The following MDGA2 variants were observed in gnomAD, a reference collection of about 807,000 sequenced individuals.
MDGA2 encodes MAM domain-containing glycosylphosphatidylinositol anchor protein 2.
Under a neutral mutation model 117.8 loss-of-function variants are expected in MDGA2, and 40 were observed. The observed-to-expected ratio is 0.34, with a 90% CI of 0.26 to 0.44. The LOEUF (loss-of-function observed/expected upper bound fraction) is 0.44. Among genes scored for constraint, MDGA2 ranks in the 20% least tolerant of loss-of-function variants. The pLI, the probability that MDGA2 is intolerant of heterozygous loss-of-function variation, is 1.00. For synonymous variants in MDGA2, 452 were observed against 439.0 expected (o/e 1.03, Z -0.37); for missense variants, 1,123 against 1,250.6 (o/e 0.90, Z 1.54).
At chr14:47,006,485 TAAAG>T (rs1204561581) in intron 8 of MDGA2, among the ~76,000 whole-genome samples, 1 of 149,146 alleles carries the variant, frequency 6.7e-6, no homozygotes, top group Non-Finnish European at 1.5e-5. Context: ...ATTAATAACA[TAAAG>T]AGTGAACAGA....
At chr14:47,017,598 A>C (rs67725556) in intron 8 of MDGA2, among the ~76,000 whole-genome samples, 76,649 of 151,588 alleles carry the variant, frequency 0.51, 20,015 homozygotes, top group East Asian at 0.8. Context: ...CAGGGGGAAA[A>C]AATACAAGAA....
At chr14:47,175,327 C>G (rs113178422) in intron 3 of MDGA2, among the ~76,000 whole-genome samples, 4 of 151,636 alleles carry the variant, frequency 2.6e-5, no homozygotes, top group African/African-American at 4.9e-5. Flanking sequence ...GATACCAAAG[C>G]CGGGCAGAGA....
intron 1 of MDGA2, among the ~76,000 whole-genome samples, chr14:47,357,156 A>C (rs1405315362): frequency 6.6e-6 from 1 of 152,156 alleles, no homozygotes; most frequent in Non-Finnish European, 1.5e-5. Flanking sequence ...TACATAATGT[A>C]ATATACCTAG....
chr14:47,511,395 G>A lies in MDGA2; in HGVS notation c.280+163122C>T, dbSNP rs114573942. On this transcript the variant is annotated intron_variant, in intron 1 of 16. Transcript: ENST00000399232. Reference sequence around the variant, plus strand: ...TAAAAATTTATATGATGTGGAAACAGCTAACACATAAGAGGTTCTTGTATT... The same window carrying A: ...TAAAAATTTATATGATGTGGAAACAACTAACACATAAGAGGTTCTTGTATT... 6.4e-3 allele frequency among the ~76,000 whole-genome samples: 968 copies of A among 152,186 alleles called. 9 individuals are homozygous for A. The highest frequency in any genetic ancestry group is 0.022 in the African/African-American group (926 of 41,538).
intron 12 of MDGA2, 42 bp downstream of exon 12, chr14:46,877,447 T>A (rs1326795992): frequency 1.8e-6 from 2 of 1,105,642 alleles, no homozygotes; most frequent in Non-Finnish European, 2.6e-6. Flanking sequence ...ATTTTTGTAT[T>A]TATTAAATAT....
chr14:47,333,681 C>T (rs1040122095), intron 1 of MDGA2, among the ~76,000 whole-genome samples: 2 of 151,686 alleles, frequency 1.3e-5, no homozygotes, highest in African/African-American at 4.8e-5. Context: ...CTTTATTTCT[C>T]CCAATTTCCA....
intron 1 of MDGA2, among the ~76,000 whole-genome samples, chr14:47,337,508 T>A (rs1461157279): frequency 1.3e-5 from 2 of 151,918 alleles, no homozygotes; most frequent in Admixed American, 1.3e-4. Flanking sequence ...GAGAAAAAGA[T>A]AAAAAATGTA....
chr14:47,138,115 T>C (rs1882545527), intron 4 of MDGA2, among the ~76,000 whole-genome samples: 1 of 152,168 alleles, frequency 6.6e-6, no homozygotes, highest in South Asian at 2.1e-4. Flanking sequence ...AGAGAATATG[T>C]GCACACATAG....
At chr14:47,013,708 C>T (rs771672290) in intron 8 of MDGA2, among the ~76,000 whole-genome samples, 2 of 146,834 alleles carry the variant, frequency 1.4e-5, no homozygotes, top group Non-Finnish European at 3.0e-5. Flanking sequence ...GTCAAAATCA[C>T]TCCTGGATTC....
intron 1 of MDGA2, among the ~76,000 whole-genome samples, chr14:47,659,954 G>C (rs1389693368): frequency 2.0e-5 from 3 of 151,976 alleles, no homozygotes; most frequent in Admixed American, 2.0e-4. Context: ...TGTGCAAAAA[G>C]TCATATCCCA....
chr14:47,392,439 A>C (rs1891917696), intron 1 of MDGA2, among the ~76,000 whole-genome samples: 1 of 152,166 alleles, frequency 6.6e-6, no homozygotes, highest in South Asian at 2.1e-4. Flanking sequence ...AATGTTTATT[A>C]TAATACAGAC....
intron 1 of MDGA2, among the ~76,000 whole-genome samples, chr14:47,661,133 TTTAA>T: frequency 6.6e-6 from 1 of 152,262 alleles, no homozygotes; most frequent in East Asian, 1.9e-4. Context: ...ACTTTTATGA[TTTAA>T]TTAGAATAAG....
In MDGA2 at chr14:47,504,743, G is replaced by A. The variant is rs78739313; in HGVS notation, c.280+169774C>T. Among the ~76,000 whole-genome samples, 1,264 of 152,230 alleles carry A rather than the reference G, an allele frequency of 8.3e-3. 19 individuals carry two copies. The highest frequency in any genetic ancestry group is 0.029 in the African/African-American group (1,208 of 41,534). ...CACTAACAAACTGTTTATACTGTTC[G>A]TGGGATAGTAAACTAGTACAGCCAT... is the stretch of plus-strand genomic sequence containing the variant. On this transcript the variant is annotated intron_variant, in intron 1 of 16. Transcript: ENST00000399232.
At chr14:47,201,967 T>C (rs1885523988) in intron 3 of MDGA2, among the ~76,000 whole-genome samples, 2 of 152,216 alleles carry the variant, frequency 1.3e-5, no homozygotes, top group African/African-American at 4.8e-5. Flanking sequence ...ATTTTATTAT[T>C]GTTAGTAGAG....
chr14:47,664,519 G>A (rs761291731), intron 1 of MDGA2, among the ~76,000 whole-genome samples: 3 of 152,174 alleles, frequency 2.0e-5, no homozygotes, highest in Non-Finnish European at 4.4e-5. Flanking sequence ...ACTCTCCTAA[G>A]AGTTTACTCG....
At chr14:47,021,714 G>A (rs752003554) in intron 8 of MDGA2, among the ~76,000 whole-genome samples, 9 of 151,964 alleles carry the variant, frequency 5.9e-5, no homozygotes, top group African/African-American at 1.2e-4. Context: ...AAATTTTGTT[G>A]GTAATAACTT....
chr14:46,921,247 T>A (rs1034107232), intron 9 of MDGA2, among the ~76,000 whole-genome samples: 3 of 152,202 alleles, frequency 2.0e-5, no homozygotes, highest in Admixed American at 6.5e-5. Flanking sequence ...CAATTCTTAA[T>A]AAGTTAAAAG....
chr14:47,630,713 T>C (rs1223432246), intron 1 of MDGA2, among the ~76,000 whole-genome samples: 1 of 152,244 alleles, frequency 6.6e-6, no homozygotes, highest in Admixed American at 6.5e-5. Context: ...CTAGAGTATC[T>C]ATTCTCTACC....
chr14:47,554,136 C>T (rs1895640411), intron 1 of MDGA2, among the ~76,000 whole-genome samples: 1 of 152,082 alleles, frequency 6.6e-6, no homozygotes, highest in Non-Finnish European at 1.5e-5. Flanking sequence ...GTGGGAGTTC[C>T]ATTAGAGGTG....
Sources: allele counts gnomAD v4.1 joint callset (sites outside exome capture counted in the v4.1 genomes callset), GRCh38; gene constraint gnomAD v4.1.1; transcripts MANE v1.5; gene names NCBI Gene and HGNC (gene_info 2026-07-23, HGNC 2026-07-21).